The following HIVEP1 variants were observed in gnomAD, a reference collection of about 807,000 sequenced individuals.
HIVEP1 encodes the protein HIVEP zinc finger 1.
Under a neutral mutation model 180.0 loss-of-function variants are expected in HIVEP1, and 36 were observed. That is an observed-to-expected ratio of 0.20 (90% CI 0.15 to 0.26). The LOEUF is 0.26. Among genes scored for constraint, HIVEP1 ranks in the 10% least tolerant of loss-of-function variants. HIVEP1 has a pLI of 1.00. For synonymous variants in HIVEP1, 1,239 were observed against 1,239.0 expected, an observed-to-expected ratio of 1.00 and a Z score of 0.00; for missense variants, 3,143 against 3,268.7, an observed-to-expected ratio of 0.96 and a Z score of 0.94.
chr6:12,104,712 C>T (rs966977690), intron 3 of HIVEP1, among the ~76,000 whole-genome samples: 33 of 152,078 alleles, frequency 2.2e-4, no homozygotes, highest in African/African-American at 6.0e-4. Context: ...GAGTGGCAAC[C>T]TCTGTGAGCC....
chr6:12,207,860 G>A, the HIVEP1 span, among the ~76,000 whole-genome samples: 7,557 of 148,960 alleles, frequency 0.051, 421 homozygotes, highest in African/African-American at 0.14. Flanking sequence ...AGGCTGCAGT[G>A]AGCTGTGATC....
At chr6:12,145,852 C>T (rs1420662928) in intron 7 of HIVEP1, among the ~76,000 whole-genome samples, 4 of 151,972 alleles carry the variant, frequency 2.6e-5, no homozygotes, top group Admixed American at 6.5e-5. Flanking sequence ...TAGGATTGTG[C>T]CTGGCAAATA....
intron 2 of HIVEP1, among the ~76,000 whole-genome samples, chr6:12,017,422 G>A (rs919908038): frequency 3.3e-5 from 5 of 152,240 alleles, no homozygotes; most frequent in Admixed American, 6.5e-5. Context: ...CCTTTGCGGT[G>A]AGTTTTATAG....
chr6:12,138,799 G>A (rs1005995119), intron 7 of HIVEP1, among the ~76,000 whole-genome samples: 22 of 151,754 alleles, frequency 1.4e-4, no homozygotes, highest in Non-Finnish European at 1.5e-4. Context: ...CAGATCCCTG[G>A]TTCACCCCTT....
intron 2 of HIVEP1, among the ~76,000 whole-genome samples, chr6:12,069,858 C>T (rs1168597745): frequency 7.9e-5 from 12 of 152,030 alleles, no homozygotes; most frequent in African/African-American, 2.6e-4. Context: ...GCAAACACAT[C>T]GTATAGCTGT....
intron 3 of HIVEP1, among the ~76,000 whole-genome samples, chr6:12,091,573 ATT>A (rs1384709906): frequency 2.6e-5 from 4 of 152,254 alleles, no homozygotes; most frequent in African/African-American, 9.6e-5. Context: ...TATTTTAATA[ATT>A]TAAGGAGGAT....
rs1216046545 is a variant in HIVEP1, at chr6:12,012,464, G to C, written c.-206G>C. 3 of 149,946 alleles carry C rather than the reference G, an allele frequency of 2.0e-5. No individual in the cohort carries two copies. The allele number at this position is 149,946 out of a possible 1,614,324, so 9.3% of individuals were successfully genotyped here. A position where few individuals can be genotyped will look rare whatever the true frequency, so the allele number is the denominator to read the frequency against. ...GATCCCAGGCGCCGCCGCCGCCGCCGCGCGGGGGTCGCGGAGATCCCGAGC... is the reference window on the plus strand; with the variant it reads ...GATCCCAGGCGCCGCCGCCGCCGCCCCGCGGGGGTCGCGGAGATCCCGAGC... On this transcript the variant is annotated 5_prime_UTR_variant, in exon 1 of 9. Coordinates refer to ENST00000379388, the MANE Select transcript of HIVEP1 (RefSeq NM_002114.4).
At chr6:12,177,635 G>A in the HIVEP1 span, among the ~76,000 whole-genome samples, 1 of 152,132 alleles carries the variant, frequency 6.6e-6, no homozygotes, top group African/African-American at 2.4e-5. Context: ...AATCTGGGGA[G>A]ACCAACGTTA....
Position 12,163,376 on chromosome 6 carries a change from C to T in HIVEP1, c.7072C>T (p.Pro2358Ser). Residue 2358 changes from proline to serine, a missense_variant, in exon 9 of 9, where the codon CCT becomes TCT. Pro to Ser is a moderately conservative substitution (Grantham distance 74). This residue lies in a region of HIVEP1 where 595 missense variants were observed against 602.2 expected (regional missense o/e 0.99). Coordinates refer to ENST00000379388, the MANE Select transcript of HIVEP1 (RefSeq NM_002114.4). ...MPSVASPHPD[P>S]QEQKQQITLQ... is the part of the protein sequence containing the mutation. ...TTCTGTGGCCTCACCACATCCTGAC[C>T]CTCAAGAACAGAAGCAGCAAATAAC... The T allele has an allele frequency of 1.2e-6, 2 of 1,614,172 alleles. No individual in the cohort carries two copies. The highest frequency in any genetic ancestry group is 1.7e-6 in the Non-Finnish European group (2 of 1,180,030).
chr6:12,103,631 AATTTAATATACG>A (rs1486413030), intron 3 of HIVEP1, among the ~76,000 whole-genome samples: 1 of 152,132 alleles, frequency 6.6e-6, no homozygotes, highest in East Asian at 1.9e-4. Context: ...TATTCTGGAA[AATTTAATATACG>A]TTACTTGAAA....
intron 3 of HIVEP1, among the ~76,000 whole-genome samples, chr6:12,109,130 C>A (rs1312053017): frequency 1.3e-5 from 2 of 151,354 alleles, no homozygotes; most frequent in Non-Finnish European, 2.9e-5. Flanking sequence ...CAGGCGCCTG[C>A]CACCACGCCC....
intron 2 of HIVEP1, among the ~76,000 whole-genome samples, chr6:12,025,603 G>A (rs899561031): frequency 5.3e-5 from 8 of 152,120 alleles, no homozygotes; most frequent in South Asian, 2.1e-4. Context: ...GGAAACTAAC[G>A]TGAAAACATT....
chr6:12,164,254 C>G lies in HIVEP1; in HGVS notation c.7950C>G (p.Leu2650=). ...ATCACGTGAAGCCCAAGCCTGAACTCACTTCCATACAGGGCCAACCAGCGT... is the reference window on the plus strand; with the variant it reads ...ATCACGTGAAGCCCAAGCCTGAACTGACTTCCATACAGGGCCAACCAGCGT... ...SANHVKPKPE[L]TSIQGQPAST... The change falls in exon 9 of 9, where the codon CTC becomes CTG. Residue 2650 remains leucine (L), a synonymous_variant. Coordinates refer to ENST00000379388, the MANE Select transcript of HIVEP1 (RefSeq NM_002114.4). 1 of 1,614,102 alleles carries G rather than the reference C, an allele frequency of 6.2e-7. No homozygotes were observed. Among genetic ancestry groups the G allele is most frequent in the Non-Finnish European group, 8.5e-7 (1 of 1,180,024 alleles).
chr6:12,061,582 A>G (rs1028325029), intron 2 of HIVEP1, among the ~76,000 whole-genome samples: 2 of 152,066 alleles, frequency 1.3e-5, no homozygotes, highest in African/African-American at 4.8e-5. Context: ...TAAAATGCTT[A>G]TATCTGAAGA....
At chr6:12,203,310 GC>G in the HIVEP1 span, among the ~76,000 whole-genome samples, 1 of 152,226 alleles carries the variant, frequency 6.6e-6, no homozygotes, top group Non-Finnish European at 1.5e-5. Context: ...ACAGGAGAAT[GC>G]TGGGGTCGGG....
chr6:12,073,484 A>G (rs1457017700), intron 2 of HIVEP1, among the ~76,000 whole-genome samples: 1 of 151,794 alleles, frequency 6.6e-6, no homozygotes, highest in Non-Finnish European at 1.5e-5. Context: ...CCCAGACCCC[A>G]TCTCTGTGTC....
In HIVEP1 at chr6:12,066,219, G is replaced by A. The variant is rs1181170137; in HGVS notation, c.41-22965G>A. ...TCCATTGGTTTTAAGAGCTGTGTGC[G>A]TGTGTGTTAATTCTGTGTTTTGCTG... is the stretch of plus-strand genomic sequence containing the variant. On this transcript the variant is annotated intron_variant, in intron 2 of 8. Coordinates refer to ENST00000379388, the MANE Select transcript of HIVEP1 (RefSeq NM_002114.4). Among the ~76,000 whole-genome samples, 8 of 152,212 alleles carry A rather than the reference G, an allele frequency of 5.3e-5. No individual in the cohort carries two copies. The East Asian group carries it at 5.8e-4, about 11-fold the overall frequency.
chr6:12,086,044 G>C (rs935454208), intron 2 of HIVEP1, among the ~76,000 whole-genome samples: 1 of 152,084 alleles, frequency 6.6e-6, no homozygotes, highest in Admixed American at 6.6e-5. Flanking sequence ...ACACAAGATA[G>C]TTCTTATAGC....
chr6:12,202,127 A>G, the HIVEP1 span, among the ~76,000 whole-genome samples: 333 of 152,140 alleles, frequency 2.2e-3, 2 homozygotes, highest in African/African-American at 7.6e-3. Flanking sequence ...ACTGCATTCT[A>G]TCATAGACTC....
Sources: allele counts gnomAD v4.1 joint callset (sites outside exome capture counted in the v4.1 genomes callset), GRCh38; gene constraint gnomAD v4.1.1; regional missense constraint gnomAD v4.1.1; transcripts MANE v1.5; gene names NCBI Gene and HGNC (gene_info 2026-07-23, HGNC 2026-07-21).